Variants in RAPGEF6 observed in about 807,000 individuals in gnomAD.
RAPGEF6 encodes PDZ domain containing guanine nucleotide exchange factor (GEF) 2.
Under a neutral mutation model 171.4 loss-of-function variants are expected in RAPGEF6, and 56 were observed. The observed-to-expected ratio is 0.33, with a 90% CI of 0.26 to 0.41. The LOEUF (loss-of-function observed/expected upper bound fraction) is 0.41. Among genes scored for constraint, RAPGEF6 ranks in the 10% least tolerant of loss-of-function variants. The probability of loss-of-function intolerance (pLI) is 1.00; values close to 1 mark genes in which losing one functional copy is unlikely to be tolerated. For missense variants in RAPGEF6, 1,674 were observed against 1,921.4 expected (o/e 0.87, Z 2.41); for synonymous variants, 692 against 650.1 (o/e 1.06, Z -0.98).
intron 15 of RAPGEF6, among the ~76,000 whole-genome samples, chr5:131,488,274 T>C (rs1756056488): frequency 6.6e-6 from 1 of 152,164 alleles, no homozygotes; most frequent in Non-Finnish European, 1.5e-5. Context: ...ATCTCTGTAT[T>C]TTTATTCAGA....
At position 131,479,540 on chromosome 5, in the gene RAPGEF6, A is replaced by C. The variant is rs1755328669; in HGVS notation, c.2054T>G (p.Phe685Cys). Residue 685 changes from phenylalanine to cysteine, a missense_variant, in exon 16 of 28, where the codon TTT becomes TGT. Physicochemically the swap from Phe to Cys is radical, Grantham distance 205. Coordinates refer to ENST00000509018, the MANE Select transcript of RAPGEF6 (RefSeq NM_016340.6). ...KIRKILDKTR[F>C]SILPPKLFSD... ...AAATAGCTTTGGAGGCAAGATACTA[A>C]ATCGTGTTTTATCCAAAATCTTCCT... 1 of 1,613,852 alleles carries C rather than the reference A, an allele frequency of 6.2e-7. No individual in the cohort carries two copies. Among genetic ancestry groups the C allele is most frequent in the African/African-American group, 1.3e-5 (1 of 74,894 alleles).
At chr5:131,440,345 TTAGTG>T in intron 23 of RAPGEF6, 1 of 405,102 alleles carries the variant, frequency 2.5e-6, no homozygotes. Flanking sequence ...TCTGGTCTGT[TTAGTG>T]TACCTCAAAC....
intron 20 of RAPGEF6, among the ~76,000 whole-genome samples, chr5:131,455,202 A>G (rs1580849319): frequency 6.6e-6 from 1 of 152,368 alleles, no homozygotes; most frequent in East Asian, 1.9e-4. Context: ...TTAAGCAACA[A>G]TATCTTGTGT....
intron 24 of RAPGEF6, among the ~76,000 whole-genome samples, chr5:131,436,862 GGTGGAGA>G: frequency 6.6e-6 from 1 of 152,252 alleles, no homozygotes; most frequent in South Asian, 2.1e-4. Flanking sequence ...GTAGATCCAA[GGTGGAGA>G]GTGCTTTTCT....
At chr5:131,455,682 G>A in intron 20 of RAPGEF6, 119 bp downstream of exon 20, 1 of 796,650 alleles carries the variant, frequency 1.3e-6, no homozygotes, top group South Asian at 1.8e-5. Flanking sequence ...TAGAAAAATG[G>A]TAAAATAGTG....
intron 4 of RAPGEF6, among the ~76,000 whole-genome samples, chr5:131,563,819 T>C (rs550813149): frequency 9.3e-4 from 141 of 152,300 alleles, no homozygotes; most frequent in Non-Finnish European, 1.7e-3. Flanking sequence ...TTGTTTTTTC[T>C]TAAGCAGAAG....
intron 4 of RAPGEF6, among the ~76,000 whole-genome samples, chr5:131,582,589 A>G (rs1435305241): frequency 1.3e-5 from 2 of 152,224 alleles, no homozygotes; most frequent in East Asian, 3.8e-4. Context: ...CAGGGAAAAA[A>G]ATGATAAACT....
chr5:131,498,454 A>C lies in RAPGEF6; in HGVS notation c.1408T>G (p.Leu470Val). 6.2e-7 allele frequency: 1 copy of C among 1,605,380 alleles called. No individual in the cohort carries two copies. Among genetic ancestry groups the C allele is most frequent in the African/African-American group, 1.3e-5 (1 of 74,814 alleles). Residue 470 changes from leucine (L) to valine (V), a missense_variant, in exon 12 of 28, where the codon TTA becomes GTA. Coordinates refer to ENST00000509018, the MANE Select transcript of RAPGEF6 (RefSeq NM_016340.6). ...KLLEWFKIDS[L>V]RDKVTRIVLL... ...CTTATAAAACCAACCTTATCTCTTA[A>C]GCTGTCGATCTTAAACCATTCCAAT... is the stretch of plus-strand genomic sequence containing the variant.
chr5:131,624,669 G>A (rs1253577189), intron 1 of RAPGEF6, among the ~76,000 whole-genome samples: 1 of 152,054 alleles, frequency 6.6e-6, no homozygotes, highest in Non-Finnish European at 1.5e-5. Flanking sequence ...CTCAAATTAA[G>A]TTCAAAGGCA....
intron 13 of RAPGEF6, among the ~76,000 whole-genome samples, chr5:131,495,184 T>C (rs1756553372): frequency 6.6e-6 from 1 of 151,752 alleles, no homozygotes; most frequent in Non-Finnish European, 1.5e-5. Flanking sequence ...TCCCATCTAC[T>C]CAGGAGGTTG....
intron 6 of RAPGEF6, among the ~76,000 whole-genome samples, chr5:131,532,804 G>A (rs540417240): frequency 6.6e-6 from 1 of 152,258 alleles, no homozygotes; most frequent in Non-Finnish European, 1.5e-5. Flanking sequence ...TTACAGCTCT[G>A]CAGCACTGTT....
At chr5:131,600,497 G>C (rs995399549) in intron 3 of RAPGEF6, among the ~76,000 whole-genome samples, 1 of 150,234 alleles carries the variant, frequency 6.7e-6, no homozygotes, top group Non-Finnish European at 1.5e-5. Flanking sequence ...ACTCCAACCT[G>C]GGTGACATGG....
intron 21 of RAPGEF6, chr5:131,450,124 G>T: frequency 1.5e-6 from 2 of 1,376,766 alleles, no homozygotes; most frequent in Non-Finnish European, 2.0e-6. Context: ...TTGAGAGTCA[G>T]AGAAACTATG....
At chr5:131,592,315 A>G in intron 4 of RAPGEF6, 68 bp downstream of exon 4, 2 of 1,565,988 alleles carry the variant, frequency 1.3e-6, no homozygotes, top group South Asian at 1.2e-5. Flanking sequence ...TTACTGAAAG[A>G]AAATATACAT....
intron 15 of RAPGEF6, among the ~76,000 whole-genome samples, chr5:131,484,692 T>C (rs1057162669): frequency 2.0e-5 from 3 of 152,092 alleles, no homozygotes; most frequent in African/African-American, 7.2e-5. Flanking sequence ...GCAAAAACTA[T>C]AAACAATCTA....
Position 131,427,039 on chromosome 5 carries a change from C to T in RAPGEF6, c.*227G>A, listed in dbSNP as rs75337410. On this transcript the variant is annotated 3_prime_UTR_variant, in exon 28 of 28. Coordinates refer to ENST00000509018, the MANE Select transcript of RAPGEF6 (RefSeq NM_016340.6). Reference sequence around the variant, plus strand: ...GCAGTTCCGGCGTGCAAAGTGGAGACTGGTATCCAGGCATAGCATCCATTG... The same window carrying T: ...GCAGTTCCGGCGTGCAAAGTGGAGATTGGTATCCAGGCATAGCATCCATTG... 480 of 556,520 alleles carry T rather than the reference C, an allele frequency of 8.6e-4. 1 individual carries two copies. The highest frequency in any genetic ancestry group is 8.3e-3 in the African/African-American group (425 of 51,478). 34.5% of individuals were successfully genotyped at this position (556,520 alleles called of 1,614,324 possible). A position where few individuals can be genotyped will look rare whatever the true frequency, so the allele number is the denominator to read the frequency against.
intron 7 of RAPGEF6, among the ~76,000 whole-genome samples, chr5:131,520,500 C>T (rs1580960590): frequency 6.6e-6 from 1 of 152,064 alleles, no homozygotes; most frequent in Non-Finnish European, 1.5e-5. Context: ...AATGTGGCTA[C>T]TAGAAAATTT....
chr5:131,461,422 T>C (rs1027298755), intron 19 of RAPGEF6, among the ~76,000 whole-genome samples: 1 of 151,958 alleles, frequency 6.6e-6, no homozygotes, highest in African/African-American at 2.4e-5. Flanking sequence ...AAAGATGATA[T>C]AATCACTCAA....
chr5:131,495,331 A>ATAAG (rs1429855715), intron 13 of RAPGEF6, among the ~76,000 whole-genome samples: 1 of 150,088 alleles, frequency 6.7e-6, no homozygotes, highest in African/African-American at 2.4e-5. Flanking sequence ...AAATAAATAA[A>ATAAG]TATAAATAAA....
Sources: gnomAD v4.1 joint callset for allele counts (sites outside exome capture counted in the v4.1 genomes callset) on GRCh38, gnomAD v4.1.1 for gene constraint, MANE v1.5 for transcripts, NCBI Gene and HGNC (gene_info 2026-07-23, HGNC 2026-07-21) for gene names.